RXYLT1: variants seen among roughly 807,000 people sequenced by gnomAD.
RXYLT1 encodes ribitol xylosyltransferase 1, also known as ribitol-5-phosphate xylosyltransferase 1.
RXYLT1 carries 41 observed loss-of-function variants against 43.5 expected under a neutral mutation model. The observed-to-expected ratio is 0.94, with a 90% CI of 0.73 to 1.22. The LOEUF is 1.22. Among genes scored for constraint, RXYLT1 ranks in the 50% most tolerant of loss-of-function variants. The pLI is 0.00. For missense variants in RXYLT1, 514 were observed against 532.0 expected, an observed-to-expected ratio of 0.97 and a Z score of 0.33; for synonymous variants, 166 against 194.4, an observed-to-expected ratio of 0.85 and a Z score of 1.21.
chr12:63,796,222 G>C (rs960155037), intron 3 of RXYLT1, among the ~76,000 whole-genome samples: 4 of 152,164 alleles, frequency 2.6e-5, no homozygotes, highest in African/African-American at 9.7e-5. Flanking sequence ...GGGTTTGTCT[G>C]ATGTTTCCTT....
chr12:63,804,322 T>C lies in RXYLT1; in HGVS notation c.744-912T>C, dbSNP rs1349702522. On this transcript the variant is annotated intron_variant, in intron 4 of 5. Transcript: ENST00000261234. Reference sequence around the variant, plus strand: ...GCTGAGGCTAAGAAACCCTGTTATATACAAACTGTTAGGTAAAATTTTGTT... The same window carrying C: ...GCTGAGGCTAAGAAACCCTGTTATACACAAACTGTTAGGTAAAATTTTGTT... 2.0e-5 allele frequency: 3 copies of C among 152,226 alleles called. No individual in the cohort carries two copies. The South Asian group carries it at 6.2e-4, about 31-fold the overall frequency. 9.4% of individuals were successfully genotyped at this position (152,226 alleles called of 1,614,324 possible). A position where few individuals can be genotyped will look rare whatever the true frequency, so the allele number is the denominator to read the frequency against.
At chr12:63,797,147 A>G (rs1898054044) in intron 3 of RXYLT1, among the ~76,000 whole-genome samples, 1 of 151,282 alleles carries the variant, frequency 6.6e-6, no homozygotes, top group African/African-American at 2.4e-5. Flanking sequence ...TATTTTTAGT[A>G]GAAATGGGGT....
Position 63,805,356 on chromosome 12 carries a change from T to G in RXYLT1, c.866T>G (p.Leu289Trp). 1 of 1,609,502 alleles carries G rather than the reference T, an allele frequency of 6.2e-7. No homozygotes were observed. Residue 289 changes from leucine (L) to tryptophan (W), a missense_variant, in exon 5 of 6, where the codon TTG (leucine) becomes TGG (tryptophan). Leu to Trp is a moderately conservative substitution (Grantham distance 61). Transcript: ENST00000261234. ...NSSRQALMNI[L>W]KKDGNDKLCW... The stretch of plus-strand genomic sequence containing the variant: ...TCCAGACAGGCACTAATGAACATTT[T>G]GAAAAAAGATGGGAACGATAAGCTT...
At chr12:63,789,392 G>A (rs1897873266) in intron 3 of RXYLT1, among the ~76,000 whole-genome samples, 1 of 152,066 alleles carries the variant, frequency 6.6e-6, no homozygotes. Context: ...AGAAAGACCT[G>A]CCCCCATGAT....
chr12:63,786,985 A>G (rs1266709212), intron 3 of RXYLT1, among the ~76,000 whole-genome samples: 1 of 152,128 alleles, frequency 6.6e-6, no homozygotes, highest in East Asian at 1.9e-4. Context: ...GTGGCAGCAC[A>G]CACCTGTAAT....
chr12:63,781,319 T>A, intron 2 of RXYLT1, 145 bp downstream of exon 2: 1 of 792,810 alleles, frequency 1.3e-6, no homozygotes, highest in Non-Finnish European at 1.8e-6. Flanking sequence ...CAATAATTCC[T>A]TTCTCCTTCC....
At chr12:63,793,386 G>C (rs1351095153) in intron 3 of RXYLT1, among the ~76,000 whole-genome samples, 2 of 152,000 alleles carry the variant, frequency 1.3e-5, no homozygotes, top group African/African-American at 4.8e-5. Flanking sequence ...CACAGTGCAT[G>C]TATACACTTG....
rs1362604387 is a variant in RXYLT1, at chr12:63,805,280, G to C, written c.790G>C (p.Asp264His). ...VVEASWSMLH[D>H]ERPYLCNFLG... ...GGAGGCAAGTTGGTCAATGCTGCAT[G>C]ATGAGAGGCCATATTTATGTAATTT... is the stretch of plus-strand genomic sequence containing the variant. Residue 264 changes from aspartate (D) to histidine (H), a missense_variant, in exon 5 of 6, where the codon GAT becomes CAT. Coordinates refer to ENST00000261234, the MANE Select transcript of RXYLT1 (RefSeq NM_014254.3). 6.2e-7 allele frequency: 1 copy of C among 1,613,472 alleles called. No individual in the cohort carries two copies. The highest frequency in any genetic ancestry group is 8.5e-7 in the Non-Finnish European group (1 of 1,179,770).
At position 63,805,016 on chromosome 12, in the gene RXYLT1, G is replaced by A. The variant is rs143911095; in HGVS notation, c.744-218G>A. 2.6e-3 allele frequency: 1,103 copies of A among 431,640 alleles called. 12 individuals are homozygous for A. Among genetic ancestry groups the A allele is most frequent in the African/African-American group, 0.021 (1,022 of 48,806 alleles). The allele number at this position is 431,640 out of a possible 1,614,324, so 26.7% of individuals were successfully genotyped here. On this transcript the variant is annotated intron_variant, in intron 4 of 5. Coordinates refer to ENST00000261234, the MANE Select transcript of RXYLT1 (RefSeq NM_014254.3). ...AAATAACTTTAGGCACAACATCTCT[G>A]TAACACTTTTGTAAGAGATGTCAGT...
At chr12:63,799,606 ATTGT>A (rs1565904862) in intron 3 of RXYLT1, among the ~76,000 whole-genome samples, 1 of 151,942 alleles carries the variant, frequency 6.6e-6, no homozygotes, top group Non-Finnish European at 1.5e-5. Flanking sequence ...GCACTCTGAA[ATTGT>A]TTGGGCACAT....
At chr12:63,797,882 A>T (rs1898069499) in intron 3 of RXYLT1, among the ~76,000 whole-genome samples, 1 of 152,130 alleles carries the variant, frequency 6.6e-6, no homozygotes, top group Non-Finnish European at 1.5e-5. Flanking sequence ...AAATTTGAGA[A>T]ATATTTAGGA....
intron 5 of RXYLT1, chr12:63,806,366 C>G (rs1214820862): frequency 6.6e-6 from 1 of 152,164 alleles, no homozygotes; most frequent in African/African-American, 2.4e-5. Flanking sequence ...ATAGAAAGAG[C>G]TTGGGTGTTG....
In RXYLT1 at chr12:63,780,078, C is replaced by T. The variant is rs1897637858; in HGVS notation, c.118C>T (p.Pro40Ser). The change falls in exon 1 of 6, where the codon CCG (proline) becomes TCG (serine). Residue 40 changes from proline (P) to serine (S), a missense_variant. By Grantham distance (74) the Pro-to-Ser change is moderately conservative (BLOSUM62 -1). Transcript: ENST00000261234. ...GRRRQAPAGS[P>S]RGLRKGAAPA... ...CCGCCGCCAGGCGCCGGCCGGGTCC[C>T]CGCGGGGCCTCAGGAAGGGGGCGGC... 1.3e-6 allele frequency: 2 copies of T among 1,595,442 alleles called. No homozygotes were observed. Among genetic ancestry groups the T allele is most frequent in the South Asian group, 1.1e-5 (1 of 90,186 alleles).
At position 63,780,173 on chromosome 12, in the gene RXYLT1, C is replaced by T. The variant is rs751885582; in HGVS notation, c.169+44C>T. The T allele has an allele frequency of 7.1e-6, 10 of 1,408,706 alleles. No homozygotes were observed. In the South Asian group the frequency reaches 1.6e-4, roughly 22 times the overall value. 87.3% of individuals were successfully genotyped at this position (1,408,706 alleles called of 1,614,324 possible). On this transcript the variant is annotated intron_variant, in intron 1 of 5. Transcript: ENST00000261234. ...CTTCCTTCCGGCTCTGCGCTCCTGG[C>T]TGGGGCTGCTGGGCGGCTGGGGCCG...
chr12:63,780,290 G>C, intron 1 of RXYLT1, 161 bp downstream of exon 1: 4 of 1,357,116 alleles, frequency 2.9e-6, no homozygotes, highest in Non-Finnish European at 3.8e-6. Context: ...CCCTTGGCTC[G>C]GAATTGGAGA....
intron 3 of RXYLT1, among the ~76,000 whole-genome samples, chr12:63,790,752 A>G (rs566253982): frequency 1.9e-3 from 284 of 152,166 alleles, no homozygotes; most frequent in African/African-American, 6.6e-3. Flanking sequence ...GTGAGCCACC[A>G]CACCTGGCCT....
In RXYLT1 at chr12:63,808,964, A is replaced by G; in HGVS notation, c.1204A>G (p.Ile402Val). Residue 402 changes from isoleucine to valine, a missense_variant, in exon 6 of 6, where the codon ATA (isoleucine) becomes GTA (valine). Ile to Val is a conservative substitution (Grantham distance 29). Coordinates refer to ENST00000261234, the MANE Select transcript of RXYLT1 (RefSeq NM_014254.3). ...TGCTGTTTTAGAAAAAGAGAAAACT[A>G]TAATTTTACAAGAAAAAATTGAAAG... is the stretch of plus-strand genomic sequence containing the variant. ...LPAVLEKEKTIILQEKIERRK... is the reference protein window; with the variant it reads ...LPAVLEKEKTVILQEKIERRK... The G allele has an allele frequency of 6.2e-7, 1 of 1,613,272 alleles. No homozygotes were observed. Among genetic ancestry groups the G allele is most frequent in the South Asian group, 1.1e-5 (1 of 90,748 alleles).
At chr12:63,799,496 G>A (rs929950819) in intron 3 of RXYLT1, among the ~76,000 whole-genome samples, 6 of 151,646 alleles carry the variant, frequency 4.0e-5, no homozygotes, top group African/African-American at 1.5e-4. Flanking sequence ...TCACCATATT[G>A]TGTAGGCTGG....
At position 63,808,825 on chromosome 12, in the gene RXYLT1, C is replaced by G. The variant is rs751828591; in HGVS notation, c.1065C>G (p.Asp355Glu). 1 of 1,614,084 alleles carries G rather than the reference C, an allele frequency of 6.2e-7. No homozygotes were observed. Among genetic ancestry groups the G allele is most frequent in the Admixed American group, 1.7e-5 (1 of 60,010 alleles). ...ATGGCTCCATTCCTGTGGTGGAAGA[C>G]GTGATGACAGCTGGCAACTGTGGGA... ...CSYGSIPVVEDVMTAGNCGNT... is the reference protein window; with the variant it reads ...CSYGSIPVVEEVMTAGNCGNT... The change falls in exon 6 of 6, where the codon GAC becomes GAG. Residue 355 changes from aspartate (D) to glutamate (E), a missense_variant. Transcript: ENST00000261234.
Sources: gnomAD v4.1 joint callset for allele counts (sites outside exome capture counted in the v4.1 genomes callset) on GRCh38, gnomAD v4.1.1 for gene constraint, MANE v1.5 for transcripts, NCBI Gene and HGNC (gene_info 2026-07-23, HGNC 2026-07-21) for gene names.